The following DPYSL2 variants were observed in gnomAD, a reference collection of about 807,000 sequenced individuals.
DPYSL2 encodes dihydropyrimidinase like 2.
Under a neutral mutation model 69.9 loss-of-function variants are expected in DPYSL2, and 13 were observed. The observed-to-expected ratio is 0.19, with a 90% confidence interval of 0.12 to 0.30. The LOEUF (loss-of-function observed/expected upper bound fraction) is 0.30. Ranked by LOEUF, DPYSL2 falls within the 10% of genes least tolerant of loss-of-function variation. The probability of loss-of-function intolerance (pLI) is 1.00; values close to 1 mark genes in which losing one functional copy is unlikely to be tolerated. For synonymous variants in DPYSL2, 326 were observed against 359.1 expected (o/e 0.91, Z 1.04); for missense variants, 587 against 918.9 (o/e 0.64, Z 4.67).
chr8:26,566,370 T>C (rs943012048), intron 1 of DPYSL2, among the ~76,000 whole-genome samples: 2 of 152,076 alleles, frequency 1.3e-5, no homozygotes, highest in Non-Finnish European at 2.9e-5. Context: ...AAGGAGGGAA[T>C]TGGAAACCTG....
At chr8:26,602,986 G>T (rs1280072846) in intron 3 of DPYSL2, among the ~76,000 whole-genome samples, 1 of 152,170 alleles carries the variant, frequency 6.6e-6, no homozygotes, top group African/African-American at 2.4e-5. Flanking sequence ...GCAGGAGAAG[G>T]GAGTGTCCAC....
chr8:26,514,536 G>A lies in DPYSL2; in HGVS notation c.211G>A (p.Val71Ile), dbSNP rs972557807. 38 of 1,529,572 alleles carry A rather than the reference G, an allele frequency of 2.5e-5. No homozygotes were observed. In the Admixed American group the frequency reaches 7.2e-4, roughly 29 times the overall value. The allele number at this position is 1,529,572 out of a possible 1,614,324, so 94.8% of individuals were successfully genotyped here. A position where few individuals can be genotyped will look rare whatever the true frequency, so the allele number is the denominator to read the frequency against. Residue 71 changes from valine to isoleucine, a missense_variant, in exon 1 of 14, where the codon GTC becomes ATC. Around this residue, in one of 3 missense-constraint regions of DPYSL2, gnomAD observed 85 missense variants for 77.7 expected, o/e 1.09. Transcript: ENST00000521913. This position sits in a 1 kb window ranked among gnomAD's most constrained non-coding sequence, Gnocchi z 8.4. ...SGQVVAQQRD[V>I]AHLGPDPQPP... Reference sequence around the variant, plus strand: ...GCAGGTGGTGGCTCAGCAGCGGGACGTCGCCCACTTGGGCCCGGACCCGCA... The same window carrying A: ...GCAGGTGGTGGCTCAGCAGCGGGACATCGCCCACTTGGGCCCGGACCCGCA...
intron 4 of DPYSL2, among the ~76,000 whole-genome samples, chr8:26,625,401 G>C (rs2129908413): frequency 6.6e-6 from 1 of 152,312 alleles, no homozygotes; most frequent in South Asian, 2.1e-4. Flanking sequence ...AACCAGGCAG[G>C]AGGGTTACCA....
At position 26,647,761 on chromosome 8, in the gene DPYSL2, C is replaced by T. The variant is rs756562073; in HGVS notation, c.1557C>T (p.Pro519=). 31 of 1,613,796 alleles carry T rather than the reference C, an allele frequency of 1.9e-5. No individual in the cohort carries two copies. Among genetic ancestry groups the T allele is most frequent in the Admixed American group, 1.7e-4 (10 of 59,970 alleles). Residue 519 remains proline, a synonymous_variant, in exon 11 of 14, where the codon CCC becomes CCT. Coordinates refer to ENST00000521913, the MANE Select transcript of DPYSL2 (RefSeq NM_001197293.3). This position sits in a 1 kb window ranked among gnomAD's most constrained non-coding sequence, Gnocchi z 5.1. Reference sequence around the variant, plus strand: ...ATGCCGACCTGGTCATCTGGGACCCCGACAGCGTTAAAACCATCTCTGCCA... The same window carrying T: ...ATGCCGACCTGGTCATCTGGGACCCTGACAGCGTTAAAACCATCTCTGCCA... ...GSDADLVIWD[P]DSVKTISAKT... is the part of the protein sequence containing the mutation.
chr8:26,533,726 C>A lies in DPYSL2; in HGVS notation c.354+19047C>A, dbSNP rs1004932030. Among the ~76,000 whole-genome samples, 1 of 152,190 alleles carries A rather than the reference C, an allele frequency of 6.6e-6. No homozygotes were observed. Among genetic ancestry groups the A allele is most frequent in the Non-Finnish European group, 1.5e-5 (1 of 68,044 alleles). On this transcript the variant is annotated intron_variant, in intron 1 of 13. Coordinates refer to ENST00000521913, the MANE Select transcript of DPYSL2 (RefSeq NM_001197293.3). The surrounding 1 kb of genome is among the most constrained non-coding windows in gnomAD (Gnocchi z 4.8). ...CTGCATCGGGAGTGAAGTCAATGAC[C>A]ACAGCTGTCAAATGTTCTCAGGTGA...
Position 26,653,431 on chromosome 8 carries a change from C to G in DPYSL2, c.1942+34C>G. 6.3e-7 allele frequency: 1 copy of G among 1,586,742 alleles called. No homozygotes were observed. The highest frequency in any genetic ancestry group is 8.6e-7 in the Non-Finnish European group (1 of 1,165,180). ...GGGGCTTGGGGAGGGCACAGTTCTG[C>G]AGGGCCAGCTCGCTGGTGCTGGCGA... On this transcript the variant is annotated intron_variant, in intron 13 of 13. Transcript: ENST00000521913. The surrounding 1 kb of genome is among the most constrained non-coding windows in gnomAD (Gnocchi z 5.7).
chr8:26,583,975 C>G lies in DPYSL2; in HGVS notation c.620C>G (p.Thr207Ser). 6.2e-7 allele frequency: 1 copy of G among 1,613,726 alleles called. No individual in the cohort carries two copies. The highest frequency in any genetic ancestry group is 8.5e-7 in the Non-Finnish European group (1 of 1,179,868). The change falls in exon 3 of 14, where the codon ACT becomes AGT. Residue 207 changes from threonine (T) to serine (S), a missense_variant. Coordinates refer to ENST00000521913, the MANE Select transcript of DPYSL2 (RefSeq NM_001197293.3). ...AAGGCGGCCCTGGCTGGGGGAACCA[C>G]TATGATCAGTAAGAAGCTTAAAAAT... ...GTKAALAGGT[T>S]MIIDHVVPEP...
chr8:26,607,029 G>C lies in DPYSL2; in HGVS notation c.629-17114G>C, dbSNP rs190226473. ...AATGTGTAAACAAAAAAATTCATAC[G>C]CCTTGACCTAGAGTAATCTATATGT... On this transcript the variant is annotated intron_variant, in intron 3 of 13. Transcript: ENST00000521913. Among the ~76,000 whole-genome samples, 262 of 152,192 alleles carry C rather than the reference G, an allele frequency of 1.7e-3. 1 individual carries two copies. The highest frequency in any genetic ancestry group is 5.6e-3 in the African/African-American group (233 of 41,526).
chr8:26,589,935 C>A (rs1178633543), intron 3 of DPYSL2, among the ~76,000 whole-genome samples: 1 of 152,196 alleles, frequency 6.6e-6, no homozygotes, highest in African/African-American at 2.4e-5. Context: ...CCCATGGAGG[C>A]AGGAGGGCTG....
Position 26,582,122 on chromosome 8 carries a change from C to A in DPYSL2, c.443+65C>A. On this transcript the variant is annotated intron_variant, in intron 2 of 13. Coordinates refer to ENST00000521913, the MANE Select transcript of DPYSL2 (RefSeq NM_001197293.3). The surrounding 1 kb of genome is among the most constrained non-coding windows in gnomAD (Gnocchi z 4.1). The stretch of plus-strand genomic sequence containing the variant: ...TTCCAGACTTCCCAAGTATTAGATA[C>A]CATTCGCATCCAAAGTATCAAACTT... The A allele has an allele frequency of 1.6e-6, 2 of 1,263,654 alleles. No individual in the cohort carries two copies. The highest frequency in any genetic ancestry group is 2.3e-6 in the Non-Finnish European group (2 of 874,114). The allele number at this position is 1,263,654 out of a possible 1,614,324, so 78.3% of individuals were successfully genotyped here. A position where few individuals can be genotyped will look rare whatever the true frequency, so the allele number is the denominator to read the frequency against.
chr8:26,514,792 G>T lies in DPYSL2; in HGVS notation c.354+113G>T, dbSNP rs1305583328. 1 of 946,260 alleles carries T rather than the reference G, an allele frequency of 1.1e-6. No individual in the cohort carries two copies. Among genetic ancestry groups the T allele is most frequent in the Non-Finnish European group, 1.4e-6 (1 of 691,140 alleles). The allele number at this position is 946,260 out of a possible 1,614,324, so 58.6% of individuals were successfully genotyped here. A position where few individuals can be genotyped will look rare whatever the true frequency, so the allele number is the denominator to read the frequency against. ...TGCCCCGCCCTGGACCTCGCCTCCC[G>T]CATCTGCACGCGCACCCCGCCCTAC... On this transcript the variant is annotated intron_variant, in intron 1 of 13. Coordinates refer to ENST00000521913, the MANE Select transcript of DPYSL2 (RefSeq NM_001197293.3). The surrounding 1 kb of genome is among the most constrained non-coding windows in gnomAD (Gnocchi z 8.4).
In DPYSL2 at chr8:26,643,401, A is replaced by G. The variant is rs1022995013; in HGVS notation, c.1127-38A>G. ...ATAGGGGTGGTTCCCTTCCCCCTGCATTGTGTTGGACTGAACCTTGTGTGT... is the reference window on the plus strand; with the variant it reads ...ATAGGGGTGGTTCCCTTCCCCCTGCGTTGTGTTGGACTGAACCTTGTGTGT... On this transcript the variant is annotated intron_variant, in intron 8 of 13. Transcript: ENST00000521913. This position sits in a 1 kb window ranked among gnomAD's most constrained non-coding sequence, Gnocchi z 6.5. The G allele has an allele frequency of 3.3e-6, 5 of 1,536,598 alleles. No individual in the cohort carries two copies. Among genetic ancestry groups the G allele is most frequent in the East Asian group, 4.6e-5 (2 of 43,936 alleles).
In DPYSL2 at chr8:26,585,814, A is replaced by C. The variant is rs1299111783; in HGVS notation, c.628+1831A>C. Among the ~76,000 whole-genome samples the C allele has an allele frequency of 6.6e-6, 1 of 152,160 alleles. No individual in the cohort carries two copies. The highest frequency in any genetic ancestry group is 1.5e-5 in the Non-Finnish European group (1 of 68,034). ...GTCACAGACAGTCAATAAGCCATTA[A>C]AAACAATATTTCTCTGGCTGGGCAC... On this transcript the variant is annotated intron_variant, in intron 3 of 13. Transcript: ENST00000521913. This position sits in a 1 kb window ranked among gnomAD's most constrained non-coding sequence, Gnocchi z 4.0.
In DPYSL2 at chr8:26,560,171, C is replaced by G. The variant is rs1052548507; in HGVS notation, c.355-21798C>G. 3.9e-5 allele frequency among the ~76,000 whole-genome samples: 6 copies of G among 152,132 alleles called. No homozygotes were observed. The highest frequency in any genetic ancestry group is 7.4e-5 in the Non-Finnish European group (5 of 68,018). On this transcript the variant is annotated intron_variant, in intron 1 of 13. Transcript: ENST00000521913. The surrounding 1 kb of genome is among the most constrained non-coding windows in gnomAD (Gnocchi z 4.4). ...AATCAGGAGCAGACGCGACCATTCC[C>G]GACGGCCTTGGCAGCTCACTCTGCC...
rs1382816095 is a variant in DPYSL2, at chr8:26,620,370, C to CCT, written c.629-3771_629-3770dup. Among the ~76,000 whole-genome samples the CCT allele has an allele frequency of 3.3e-5, 5 of 152,124 alleles. No individual in the cohort carries two copies. Among genetic ancestry groups the CCT allele is most frequent in the African/African-American group, 1.2e-4 (5 of 41,410 alleles). On this transcript the variant is annotated intron_variant, in intron 3 of 13. Transcript: ENST00000521913. The surrounding 1 kb of genome is among the most constrained non-coding windows in gnomAD (Gnocchi z 4.5). Reference sequence around the variant, plus strand: ...CTCCTGGGTTCAAGTGATTCTCCTGCCTCAGCCTCCTGAGTAGCTGGGATT... The same window carrying CCT: ...CTCCTGGGTTCAAGTGATTCTCCTGCCTCTCAGCCTCCTGAGTAGCTGGGATT...
chr8:26,638,315 A>G (rs964754193), intron 8 of DPYSL2, among the ~76,000 whole-genome samples: 1 of 152,118 alleles, frequency 6.6e-6, no homozygotes, highest in Non-Finnish European at 1.5e-5. Flanking sequence ...GCGTAAGCAG[A>G]CTCGAAATTT....
Position 26,653,504 on chromosome 8 carries a change from T to G in DPYSL2, c.1942+107T>G. Reference sequence around the variant, plus strand: ...GACACAGAAATAGAAGTGAATGATATTCCCTTTCTCTCCAACGTGAGAAAT... The same window carrying G: ...GACACAGAAATAGAAGTGAATGATAGTCCCTTTCTCTCCAACGTGAGAAAT... On this transcript the variant is annotated intron_variant, in intron 13 of 13. Coordinates refer to ENST00000521913, the MANE Select transcript of DPYSL2 (RefSeq NM_001197293.3). This position sits in a 1 kb window ranked among gnomAD's most constrained non-coding sequence, Gnocchi z 5.7. 31 of 1,126,798 alleles carry G rather than the reference T, an allele frequency of 2.8e-5. No individual in the cohort carries two copies. Among genetic ancestry groups the G allele is most frequent in the Non-Finnish European group, 3.3e-5 (26 of 786,472 alleles). The allele number at this position is 1,126,798 out of a possible 1,614,324, so 69.8% of individuals were successfully genotyped here. A position where few individuals can be genotyped will look rare whatever the true frequency, so the allele number is the denominator to read the frequency against.
chr8:26,623,759 G>A, intron 3 of DPYSL2: 1 of 184,972 alleles, frequency 5.4e-6, no homozygotes, highest in Non-Finnish European at 1.1e-5. Flanking sequence ...CCTGCCGTCT[G>A]GCGGGGGGCG....
chr8:26,643,719 A>G lies in DPYSL2; in HGVS notation c.1283+124A>G. ...AAACTGGGAGACCCTTGTTCACCAA[A>G]CTAGGTTGGCTACATGAGTACAGGG... is the stretch of plus-strand genomic sequence containing the variant. On this transcript the variant is annotated intron_variant, in intron 9 of 13. Coordinates refer to ENST00000521913, the MANE Select transcript of DPYSL2 (RefSeq NM_001197293.3). The surrounding 1 kb of genome is among the most constrained non-coding windows in gnomAD (Gnocchi z 6.5). 1 of 1,427,228 alleles carries G rather than the reference A, an allele frequency of 7.0e-7. No individual in the cohort carries two copies. The highest frequency in any genetic ancestry group is 9.7e-7 in the Non-Finnish European group (1 of 1,034,808). The allele number at this position is 1,427,228 out of a possible 1,614,324, so 88.4% of individuals were successfully genotyped here.
Sources: gnomAD v4.1 joint callset for allele counts (sites outside exome capture counted in the v4.1 genomes callset) on GRCh38, gnomAD v4.1.1 for gene constraint, gnomAD v4.1.1 regional missense constraint, Gnocchi (gnomAD v3.1) non-coding constraint, MANE v1.5 for transcripts, NCBI Gene and HGNC (gene_info 2026-07-23, HGNC 2026-07-21) for gene names.